Variants in PREP observed in about 807,000 individuals in gnomAD.
The protein encoded by PREP is prolyl endopeptidase, also known as dJ355L5.1 (prolyl endopeptidase).
In PREP, 29 loss-of-function variants were observed where a neutral mutation model predicts 87.6. That is an observed-to-expected ratio of 0.33 (90% CI 0.25 to 0.45). The LOEUF (loss-of-function observed/expected upper bound fraction) is 0.45, where lower values mean the gene tolerates loss of function less well. PREP is among the 20% of genes least tolerant of loss of function. PREP has a pLI of 1.00. For synonymous variants in PREP, 337 were observed against 328.6 expected (o/e 1.03, Z -0.28); for missense variants, 695 against 886.5 (o/e 0.78, Z 2.74).
intron 10 of PREP, among the ~76,000 whole-genome samples, chr6:105,306,774 C>G (rs930714462): frequency 6.1e-5 from 9 of 146,766 alleles, no homozygotes; most frequent in Non-Finnish European, 1.0e-4. Context: ...CCACCCCCTT[C>G]ACAACTTTCC....
chr6:105,334,993 G>T (rs1771442994), intron 7 of PREP, among the ~76,000 whole-genome samples: 1 of 152,116 alleles, frequency 6.6e-6, no homozygotes. Context: ...CAGGTAACTT[G>T]AAACATACAA....
chr6:105,322,161 G>T, intron 10 of PREP: 1 of 390,222 alleles, frequency 2.6e-6, no homozygotes, highest in Non-Finnish European at 3.5e-6. Context: ...GTGAATTTAT[G>T]AACCATGAAA....
chr6:105,374,139 T>G lies in PREP; in HGVS notation c.386-561A>C, dbSNP rs73516032. On this transcript the variant is annotated intron_variant, in intron 4 of 14. Transcript: ENST00000652536. ...ATTACAAGCCTAGGTAAATAAAGCCTGAGGGTTTGCAGTGAAGGCGCCCGG... is the reference window on the plus strand; with the variant it reads ...ATTACAAGCCTAGGTAAATAAAGCCGGAGGGTTTGCAGTGAAGGCGCCCGG... 5.1e-3 allele frequency among the ~76,000 whole-genome samples: 775 copies of G among 152,254 alleles called. 12 individuals are homozygous for G. The highest frequency in any genetic ancestry group is 0.017 in the African/African-American group (722 of 41,568).
intron 6 of PREP, among the ~76,000 whole-genome samples, chr6:105,359,261 G>GAC (rs1232699446): frequency 6.6e-6 from 1 of 152,154 alleles, no homozygotes; most frequent in Non-Finnish European, 1.5e-5. Context: ...AAAGGATACA[G>GAC]ACACACACAG....
At chr6:105,390,418 G>A (rs1773110130) in intron 2 of PREP, among the ~76,000 whole-genome samples, 1 of 152,156 alleles carries the variant, frequency 6.6e-6, no homozygotes, top group Admixed American at 6.5e-5. Flanking sequence ...TGGAGTTGTT[G>A]TTACTCTCAT....
At chr6:105,313,405 T>C (rs776541360) in intron 10 of PREP, among the ~76,000 whole-genome samples, 1 of 152,234 alleles carries the variant, frequency 6.6e-6, no homozygotes, top group African/African-American at 2.4e-5. Flanking sequence ...TAAAACAGTA[T>C]GGCAGAAAGC....
chr6:105,380,344 G>C (rs1047716094), intron 2 of PREP, among the ~76,000 whole-genome samples: 1 of 152,186 alleles, frequency 6.6e-6, no homozygotes, highest in African/African-American at 2.4e-5. Context: ...GCTGAGGCCA[G>C]ACGACCAGAC....
chr6:105,324,962 T>C (rs577950757), intron 9 of PREP, among the ~76,000 whole-genome samples: 3 of 152,334 alleles, frequency 2.0e-5, no homozygotes, highest in Middle Eastern at 3.4e-3. Context: ...GACTCAAGTA[T>C]TGACTTTCTT....
intron 10 of PREP, chr6:105,322,632 T>G: frequency 1.0e-6 from 1 of 989,252 alleles, no homozygotes; most frequent in Non-Finnish European, 1.2e-6. Flanking sequence ...TTGCAACCAC[T>G]CTAAGTGCCA....
At chr6:105,351,941 G>A (rs1165699290) in intron 7 of PREP, among the ~76,000 whole-genome samples, 1 of 152,142 alleles carries the variant, frequency 6.6e-6, no homozygotes, top group East Asian at 1.9e-4. Flanking sequence ...CTTCACCCTG[G>A]TATATGTGTG....
chr6:105,305,725 C>T (rs1015543884), intron 10 of PREP, among the ~76,000 whole-genome samples: 2 of 152,174 alleles, frequency 1.3e-5, no homozygotes, highest in African/African-American at 4.8e-5. Context: ...TCTTTTTTGA[C>T]AGCCCAGACA....
Position 105,323,704 on chromosome 6 carries a change from G to C in PREP, c.1278C>G (p.Thr426=), listed in dbSNP as rs138640498. Residue 426 remains threonine (T), a synonymous_variant, in exon 10 of 15, where the codon ACC becomes ACG. Transcript: ENST00000652536. Reference sequence around the variant, plus strand: ...AATCAGAAGCATCAATTCCTTTTACGGTCACCTCTCGGAAAACTCTTGGCT... The same window carrying C: ...AATCAGAAGCATCAATTCCTTTTACCGTCACCTCTCGGAAAACTCTTGGCT... The part of the protein sequence containing the change: ...ELEPRVFREV[T]VKGIDASDYQ... 3 of 1,613,156 alleles carry C rather than the reference G, an allele frequency of 1.9e-6. No individual in the cohort carries two copies. Among genetic ancestry groups the C allele is most frequent in the African/African-American group, 2.7e-5 (2 of 74,938 alleles).
At chr6:105,340,522 G>C (rs1052473716) in intron 7 of PREP, among the ~76,000 whole-genome samples, 15 of 152,116 alleles carry the variant, frequency 9.9e-5, no homozygotes, top group Admixed American at 9.2e-4. Context: ...ATAATGACAG[G>C]ATCAAATCCA....
At chr6:105,297,282 T>G (rs1188197410) in intron 10 of PREP, among the ~76,000 whole-genome samples, 1 of 152,238 alleles carries the variant, frequency 6.6e-6, no homozygotes, top group Non-Finnish European at 1.5e-5. Flanking sequence ...ACTAGCATCA[T>G]GACTAACCAG....
chr6:105,284,615 G>A (rs1162977859), intron 12 of PREP, among the ~76,000 whole-genome samples: 2 of 152,094 alleles, frequency 1.3e-5, no homozygotes, highest in Admixed American at 1.3e-4. Flanking sequence ...GAAAAGACTG[G>A]GGGAAGCATA....
intron 3 of PREP, among the ~76,000 whole-genome samples, chr6:105,376,655 T>C (rs1772695252): frequency 6.6e-6 from 1 of 152,242 alleles, no homozygotes; most frequent in Non-Finnish European, 1.5e-5. Context: ...GTCAGTACAC[T>C]TTCTCTGTAA....
At chr6:105,333,772 T>A (rs1222660744) in intron 7 of PREP, among the ~76,000 whole-genome samples, 1 of 152,150 alleles carries the variant, frequency 6.6e-6, no homozygotes, top group African/African-American at 2.4e-5. Flanking sequence ...AATCCTCTTC[T>A]AACTGAGCCG....
At chr6:105,309,746 G>A (rs756318436) in intron 10 of PREP, among the ~76,000 whole-genome samples, 1 of 152,188 alleles carries the variant, frequency 6.6e-6, no homozygotes, top group East Asian at 1.9e-4. Flanking sequence ...CCTCCTGGCA[G>A]AATGGAGAAA....
chr6:105,316,121 C>G (rs958908512), intron 10 of PREP, among the ~76,000 whole-genome samples: 3 of 152,182 alleles, frequency 2.0e-5, no homozygotes, highest in African/African-American at 7.2e-5. Flanking sequence ...GCACCTATAG[C>G]TTTTGGCTTA....
Sources: gnomAD v4.1 joint callset for allele counts (sites outside exome capture counted in the v4.1 genomes callset) on GRCh38, gnomAD v4.1.1 for gene constraint, MANE v1.5 for transcripts, NCBI Gene and HGNC (gene_info 2026-07-23, HGNC 2026-07-21) for gene names.